GSE1: variants seen among roughly 807,000 people sequenced by gnomAD.
The protein encoded by GSE1 is Gse1 coiled-coil protein.
In GSE1, 32 loss-of-function variants were observed where a neutral mutation model predicts 112.6. The ratio of observed to expected loss-of-function variants is 0.28; its 90% CI spans 0.21 to 0.38. GSE1 has a LOEUF of 0.38. Ranked by LOEUF, GSE1 falls within the 10% of genes least tolerant of loss-of-function variation. The probability of loss-of-function intolerance (pLI) is 1.00; values close to 1 mark genes in which losing one functional copy is unlikely to be tolerated. For synonymous variants in GSE1, 1,115 were observed against 735.6 expected (o/e 1.52, Z -8.35); for missense variants, 2,348 against 1,699.2 (o/e 1.38, Z -6.71).
chr16:85,430,655 A>G (rs1597731636), intron 2 of GSE1, among the ~76,000 whole-genome samples: 1 of 152,200 alleles, frequency 6.6e-6, no homozygotes. Context: ...CCACCCCCAG[A>G]GGCTCTGGCT....
At chr16:85,640,369 G>A (rs746740000) in intron 2 of GSE1, among the ~76,000 whole-genome samples, 18 of 152,228 alleles carry the variant, frequency 1.2e-4, no homozygotes, top group Non-Finnish European at 2.4e-4. Context: ...CCCATAGCCC[G>A]GCTTGGGCCA....
chr16:85,340,056 C>A (rs533423079), intron 1 of GSE1, among the ~76,000 whole-genome samples: 1 of 152,212 alleles, frequency 6.6e-6, no homozygotes, highest in African/African-American at 2.4e-5. Flanking sequence ...AGGTACATTT[C>A]TGAATCTCAG....
rs1597729363 is a variant in GSE1 at position 85,429,852 on chromosome 16, A to G, written c.2464+72209A>G. Among the ~76,000 whole-genome samples, 3 of 152,204 alleles carry G rather than the reference A, an allele frequency of 2.0e-5. No homozygotes were observed. In the East Asian group the frequency reaches 5.8e-4, roughly 29 times the overall value. ...ATTTTTCTCCAGAGCTCTGGGTCAC[A>G]GCGAGCTTACTCATGGATGTGTGTG... On this transcript the variant is annotated intron_variant, in intron 2 of 2. Coordinates refer to the GSE1 transcript ENST00000637419.
intron 2 of GSE1, among the ~76,000 whole-genome samples, chr16:85,437,496 C>T (rs1410913065): frequency 6.6e-6 from 1 of 151,976 alleles, no homozygotes; most frequent in Non-Finnish European, 1.5e-5. Flanking sequence ...AGGCGGCACC[C>T]ACACCCACCC....
chr16:85,231,618 G>C (rs1334246634), intron 1 of GSE1, among the ~76,000 whole-genome samples: 1 of 152,192 alleles, frequency 6.6e-6, no homozygotes, highest in Non-Finnish European at 1.5e-5. Context: ...GTGGAATAGA[G>C]GGGTGGCTAG....
chr16:85,598,166 T>G (rs949434315), intron 1 of GSE1, among the ~76,000 whole-genome samples: 3 of 143,830 alleles, frequency 2.1e-5, no homozygotes, highest in Non-Finnish European at 4.5e-5. Context: ...GAGGTTTGGT[T>G]GTTTTTTTTT....
chr16:85,656,145 C>T lies in GSE1; in HGVS notation c.990-198C>T, dbSNP rs775096617. On this transcript the variant is annotated intron_variant, in intron 6 of 15. Coordinates refer to ENST00000253458, the MANE Select transcript of GSE1 (RefSeq NM_014615.5). The stretch of plus-strand genomic sequence containing the variant: ...ACCTGCAGGCCGAGGAGCTCTCGGG[C>T]GTGCTTGGGCATTTTGTAAGCCGCT... Among the ~76,000 whole-genome samples the T allele has an allele frequency of 7.2e-5, 11 of 152,138 alleles. No individual in the cohort carries two copies. In the East Asian group the frequency reaches 1.4e-3, roughly 19 times the overall value.
rs543390163 is a variant in GSE1, at chr16:85,558,259, T to G, written c.37+1896T>G. Reference sequence around the variant, plus strand: ...TGTATCTGGGTTTTTCTCGTCTGTCTCCCCCCGGGTCTGTGGCTGGGGAAA... The same window carrying G: ...TGTATCTGGGTTTTTCTCGTCTGTCGCCCCCCGGGTCTGTGGCTGGGGAAA... On this transcript the variant is annotated intron_variant, in intron 1 of 2. Coordinates refer to the GSE1 transcript ENST00000635906. 9.9e-5 allele frequency among the ~76,000 whole-genome samples: 15 copies of G among 152,204 alleles called. No individual in the cohort carries two copies. In the South Asian group the frequency reaches 3.1e-3, roughly 32 times the overall value.
rs553636006 is a variant in GSE1 at position 85,427,470 on chromosome 16, C to T, written c.2464+69827C>T. Among the ~76,000 whole-genome samples the T allele has an allele frequency of 2.6e-4, 40 of 152,242 alleles. 1 individual carries two copies. In the South Asian group the frequency reaches 7.7e-3, roughly 29 times the overall value. Reference sequence around the variant, plus strand: ...TAGCCTAGGCAACATGGTGAAACCCCGTCTCTAGTAAAAATACAAAAATCA... The same window carrying T: ...TAGCCTAGGCAACATGGTGAAACCCTGTCTCTAGTAAAAATACAAAAATCA... On this transcript the variant is annotated intron_variant, in intron 2 of 2. Coordinates refer to the GSE1 transcript ENST00000637419.
chr16:85,583,954 C>T (rs1167593029), intron 1 of GSE1, among the ~76,000 whole-genome samples: 3 of 152,200 alleles, frequency 2.0e-5, no homozygotes, highest in Admixed American at 1.3e-4. Context: ...TCAAAGCCAG[C>T]GTTCATCACT....
chr16:85,524,712 G>T (rs577929380), intron 2 of GSE1, among the ~76,000 whole-genome samples: 1 of 152,196 alleles, frequency 6.6e-6, no homozygotes, highest in African/African-American at 2.4e-5. Context: ...GTAATCACGA[G>T]GGGGAGAGGG....
At chr16:85,571,435 A>T (rs2045974615) in intron 1 of GSE1, among the ~76,000 whole-genome samples, 1 of 152,258 alleles carries the variant, frequency 6.6e-6, no homozygotes. Context: ...GAGGCTGCTC[A>T]GTCGGACAGT....
intron 2 of GSE1, among the ~76,000 whole-genome samples, chr16:85,533,341 A>C (rs2044197646): frequency 1.3e-5 from 2 of 152,212 alleles, no homozygotes; most frequent in African/African-American, 4.8e-5. Flanking sequence ...AATCGCTTGA[A>C]ACTGGGAGGC....
upstream of GSE1, among the ~76,000 whole-genome samples, chr16:85,551,328 C>G (rs565913968): frequency 6.6e-6 from 1 of 152,348 alleles, no homozygotes; most frequent in South Asian, 2.1e-4. Flanking sequence ...ACCTGGCAGT[C>G]TGTCCTGGTG....
At chr16:85,255,769 G>T (rs1907010418) in intron 1 of GSE1, among the ~76,000 whole-genome samples, 1 of 151,050 alleles carries the variant, frequency 6.6e-6, no homozygotes, top group Non-Finnish European at 1.5e-5. Context: ...GCTCACTGTA[G>T]CCTCCACCTC....
upstream of GSE1, among the ~76,000 whole-genome samples, chr16:85,608,175 G>A (rs1205553985): frequency 3.3e-5 from 5 of 152,306 alleles, no homozygotes; most frequent in Admixed American, 1.3e-4. Flanking sequence ...GCAGGAAACA[G>A]AAAGAGGAGG....
At chr16:85,548,246 AG>A (rs370211564) in intron 2 of GSE1, among the ~76,000 whole-genome samples, 183 of 72,608 alleles carry the variant, frequency 2.5e-3, no homozygotes, top group African/African-American at 7.4e-3. Context: ...AAAAAAAAAA[AG>A]AAAGAAAGAA....
intron 2 of GSE1, among the ~76,000 whole-genome samples, chr16:85,414,160 C>T (rs1489723441): frequency 1.3e-5 from 2 of 152,204 alleles, no homozygotes; most frequent in Admixed American, 6.5e-5. Flanking sequence ...CCCACGCTCC[C>T]CTTCCATGCC....
Position 85,673,575 on chromosome 16 carries a change from G to C in GSE1, c.*1036G>C, listed in dbSNP as rs914761244. The C allele has an allele frequency of 4.6e-5, 7 of 152,020 alleles. No individual in the cohort carries two copies. Among genetic ancestry groups the C allele is most frequent in the African/African-American group, 1.7e-4 (7 of 41,330 alleles). The allele number at this position is 152,020 out of a possible 1,614,324, so 9.4% of individuals were successfully genotyped here. A position where few individuals can be genotyped will look rare whatever the true frequency, so the allele number is the denominator to read the frequency against. On this transcript the variant is annotated 3_prime_UTR_variant, in exon 16 of 16. Coordinates refer to ENST00000253458, the MANE Select transcript of GSE1 (RefSeq NM_014615.5). ...TTTTAAAAATTAAAGAAGAAGAAAA[G>C]TAAAAGAGCTTACCACTGGCGCCTA...
Sources: gnomAD v4.1 joint callset for allele counts (sites outside exome capture counted in the v4.1 genomes callset) on GRCh38, gnomAD v4.1.1 for gene constraint, MANE v1.5 for transcripts, NCBI Gene and HGNC (gene_info 2026-07-23, HGNC 2026-07-21) for gene names.